Variants in EP300 observed in about 807,000 individuals in gnomAD.
The protein encoded by EP300 is EP300 lysine acetyltransferase, also known as histone acetyltransferase p300.
A neutral mutation model predicts 264.0 loss-of-function variants in EP300; 31 were observed. That is an observed-to-expected ratio of 0.12 (90% CI 0.09 to 0.16). The LOEUF (loss-of-function observed/expected upper bound fraction) is 0.16. EP300 is among the 10% of genes least tolerant of loss of function. The probability of loss-of-function intolerance (pLI) is 1.00; values close to 1 mark genes in which losing one functional copy is unlikely to be tolerated. For missense variants in EP300, 2,766 were observed against 3,052.9 expected, an observed-to-expected ratio of 0.91 and a Z score of 2.21; for synonymous variants, 1,340 against 1,045.4, an observed-to-expected ratio of 1.28 and a Z score of -5.44.
chr22:41,169,598 A>G lies in EP300; in HGVS notation c.4268A>G (p.Glu1423Gly), dbSNP rs1322106232. 14 of 1,599,522 alleles carry G rather than the reference A, an allele frequency of 8.8e-6. No homozygotes were observed. Among genetic ancestry groups the G allele is most frequent in the Non-Finnish European group, 1.2e-5 (14 of 1,168,796 alleles). The change falls in exon 26 of 31, where the codon GAA (glutamate) becomes GGA (glycine). Residue 1423 changes from glutamate (E) to glycine (G), a missense_variant. By Grantham distance (98) the Glu-to-Gly change is moderately conservative. Transcript: ENST00000263253. ...VYHEILIGYL[E>G]YVKKLGYTTG... ...CATGAAATCCTAATTGGATATTTAGAATATGTCAAGAAATTAGGGTAAGCA... is the reference window on the plus strand; with the variant it reads ...CATGAAATCCTAATTGGATATTTAGGATATGTCAAGAAATTAGGGTAAGCA...
intron 1 of EP300, among the ~76,000 whole-genome samples, chr22:41,107,776 C>T (rs947778413): frequency 6.6e-6 from 1 of 152,210 alleles, no homozygotes; most frequent in South Asian, 2.1e-4. Flanking sequence ...TCTCGGCTCA[C>T]TGCAACCTCT....
intron 2 of EP300, among the ~76,000 whole-genome samples, chr22:41,121,734 T>C (rs1569092734): frequency 6.6e-6 from 1 of 152,102 alleles, no homozygotes; most frequent in Non-Finnish European, 1.5e-5. Flanking sequence ...TTTGGGGAAA[T>C]ATTTGGATAA....
intron 6 of EP300, among the ~76,000 whole-genome samples, chr22:41,132,631 C>T (rs1258479992): frequency 6.6e-6 from 1 of 152,134 alleles, no homozygotes; most frequent in African/African-American, 2.4e-5. Context: ...AATTATTCTG[C>T]TGCTTTAAAC....
rs778054547 is a variant in EP300 at position 41,178,229 on chromosome 22, ACAC to A, written c.6521_6523del (p.Thr2174del). Reference sequence around the variant, plus strand: ...GCTCAGCAGATGAACATGAACCACAACACCATGCCTTCACAATTCCGAGACATC... The same window carrying A: ...GCTCAGCAGATGAACATGAACCACAACATGCCTTCACAATTCCGAGACATC... On this transcript the variant is annotated inframe_deletion, in exon 31 of 31. Transcript: ENST00000263253. 1 of 1,613,994 alleles carries A rather than the reference ACAC, an allele frequency of 6.2e-7. No homozygotes were observed. Among genetic ancestry groups the A allele is most frequent in the Non-Finnish European group, 8.5e-7 (1 of 1,180,008 alleles).
rs763795230 is a variant in EP300 at position 41,170,398 on chromosome 22, ATTG to A, written c.4287-5_4287-3del. On this transcript the variant is annotated splice_region_variant and splice_polypyrimidine_tract_variant and intron_variant, in intron 26 of 30. Transcript: ENST00000263253. ...TTTCCTTAATGTTCTTTCTCTTTGTATTGTTAGTTACACAACAGGGCATATTTG... is the reference window on the plus strand; with the variant it reads ...TTTCCTTAATGTTCTTTCTCTTTGTATTAGTTACACAACAGGGCATATTTG... 3 of 1,611,536 alleles carry A rather than the reference ATTG, an allele frequency of 1.9e-6. No individual in the cohort carries two copies. Among genetic ancestry groups the A allele is most frequent in the Non-Finnish European group, 2.5e-6 (3 of 1,177,862 alleles).
intron 2 of EP300, among the ~76,000 whole-genome samples, chr22:41,125,334 A>G (rs1272233850): frequency 1.3e-5 from 2 of 151,354 alleles, no homozygotes; most frequent in Admixed American, 1.3e-4. Context: ...TAGCCAGGAT[A>G]GTCTCTATCT....
intron 21 of EP300, among the ~76,000 whole-genome samples, chr22:41,163,726 G>A (rs111361063): frequency 2.1e-4 from 32 of 152,066 alleles, no homozygotes; most frequent in South Asian, 8.3e-4. Context: ...CAGCCTGGGC[G>A]ACACAGAGAG....
At position 41,137,942 on chromosome 22, in the gene EP300, C is replaced by G. The variant is rs1027354920; in HGVS notation, c.1760+152C>G. 4.6e-6 allele frequency: 5 copies of G among 1,094,272 alleles called. No homozygotes were observed. In the African/African-American group the frequency reaches 7.8e-5, roughly 17 times the overall value. The allele number at this position is 1,094,272 out of a possible 1,614,324, so 67.8% of individuals were successfully genotyped here. A position where few individuals can be genotyped will look rare whatever the true frequency, so the allele number is the denominator to read the frequency against. On this transcript the variant is annotated intron_variant, in intron 8 of 30. Coordinates refer to ENST00000263253, the MANE Select transcript of EP300 (RefSeq NM_001429.4). ...TACTTCTACTCTTGTGGATTTCTTG[C>G]TGCTGCTGCTTTTTTCCTTCTCAAC...
At chr22:41,150,240 A>G (rs1448693740) in intron 14 of EP300, 42 bp downstream of exon 14, 3 of 1,550,402 alleles carry the variant, frequency 1.9e-6, no homozygotes, top group Non-Finnish European at 2.6e-6. Flanking sequence ...TTAGAGCTAT[A>G]CTGTAGTATT....
At chr22:41,120,997 A>G (rs1198185532) in intron 2 of EP300, among the ~76,000 whole-genome samples, 2 of 152,126 alleles carry the variant, frequency 1.3e-5, no homozygotes, top group Non-Finnish European at 2.9e-5. Context: ...AAGCCTGGCC[A>G]CATTTTTTTC....
At chr22:41,097,011 A>G (rs551504482) in intron 1 of EP300, among the ~76,000 whole-genome samples, 5 of 152,196 alleles carry the variant, frequency 3.3e-5, no homozygotes, top group Non-Finnish European at 7.3e-5. Flanking sequence ...CCAGCTCTGT[A>G]ACTTGTGATA....
intron 1 of EP300, among the ~76,000 whole-genome samples, chr22:41,100,785 C>T (rs1232367143): frequency 6.6e-6 from 1 of 152,088 alleles, no homozygotes; most frequent in Non-Finnish European, 1.5e-5. Flanking sequence ...ATTTTGGTAT[C>T]TGCAGTGGAG....
intron 13 of EP300, 117 bp from the exon 14 acceptor site, chr22:41,149,644 C>T (rs2059031600): frequency 6.6e-6 from 7 of 1,067,856 alleles, no homozygotes; most frequent in Admixed American, 2.0e-5. Flanking sequence ...TTGAAATAGA[C>T]ACATTGCTAC....
At chr22:41,121,636 G>A (rs1212249804) in intron 2 of EP300, among the ~76,000 whole-genome samples, 4 of 152,142 alleles carry the variant, frequency 2.6e-5, no homozygotes, top group East Asian at 1.9e-4. Context: ...GTAATGCATC[G>A]TGATCAAGGG....
chr22:41,138,628 G>C (rs187685866), intron 8 of EP300, among the ~76,000 whole-genome samples: 6 of 152,118 alleles, frequency 3.9e-5, no homozygotes, highest in Admixed American at 3.9e-4. Context: ...GATGAAGGAG[G>C]GGGAGGCATA....
Position 41,178,612 on chromosome 22 carries a change from A to G in EP300, c.6901A>G (p.Asn2301Asp), listed in dbSNP as rs778212609. 1 of 1,613,904 alleles carries G rather than the reference A, an allele frequency of 6.2e-7. No homozygotes were observed. The highest frequency in any genetic ancestry group is 1.1e-5 in the South Asian group (1 of 91,044). Residue 2301 changes from asparagine (N) to aspartate (D), a missense_variant, in exon 31 of 31, where the codon AAT becomes GAT. Transcript: ENST00000263253. ...ACACCTACAAGGCCAGCAGATCCCTAATTCTCTCTCCAATCAAGTGCGCTC... is the reference window on the plus strand; with the variant it reads ...ACACCTACAAGGCCAGCAGATCCCTGATTCTCTCTCCAATCAAGTGCGCTC... Reference protein sequence around the residue: ...SPHLQGQQIPNSLSNQVRSPQ... With the variant: ...SPHLQGQQIPDSLSNQVRSPQ...
chr22:41,105,956 C>A (rs1018864394), intron 1 of EP300, among the ~76,000 whole-genome samples: 4 of 152,144 alleles, frequency 2.6e-5, no homozygotes, highest in African/African-American at 9.7e-5. Context: ...TATTAGAGAT[C>A]TTGCCTGTCT....
chr22:41,136,304 G>A (rs745510091), intron 7 of EP300, among the ~76,000 whole-genome samples: 9 of 152,246 alleles, frequency 5.9e-5, no homozygotes, highest in African/African-American at 4.8e-5. Context: ...GATTGCAGGC[G>A]TGAGCCACCA....
At chr22:41,162,670 C>CA in intron 20 of EP300, 53 bp from the exon 21 acceptor site, 2 of 1,425,636 alleles carry the variant, frequency 1.4e-6, no homozygotes, top group Non-Finnish European at 2.0e-6. Context: ...GAACAGCAGT[C>CA]AGATTGCTCA....
Sources: allele counts gnomAD v4.1 joint callset (sites outside exome capture counted in the v4.1 genomes callset), GRCh38; gene constraint gnomAD v4.1.1; transcripts MANE v1.5; gene names NCBI Gene and HGNC (gene_info 2026-07-23, HGNC 2026-07-21).